The following NUP58 variants were observed in gnomAD, a reference collection of about 807,000 sequenced individuals.
The protein encoded by NUP58 is nucleoporin p58/p45.
NUP58 carries 17 observed loss-of-function variants against 70.1 expected under a neutral mutation model. The ratio of observed to expected loss-of-function variants is 0.24; its 90% CI spans 0.17 to 0.36. The LOEUF (loss-of-function observed/expected upper bound fraction) is 0.36, where lower values mean the gene tolerates loss of function less well. Ranked by LOEUF, NUP58 falls within the 10% of genes least tolerant of loss-of-function variation. NUP58 has a pLI of 1.00. For synonymous variants in NUP58, 275 were observed against 257.6 expected, an observed-to-expected ratio of 1.07 and a Z score of -0.65; for missense variants, 644 against 701.5, an observed-to-expected ratio of 0.92 and a Z score of 0.93.
chr13:25,335,581 T>A, intron 13 of NUP58: 3 of 982,166 alleles, frequency 3.1e-6, no homozygotes, highest in Non-Finnish European at 3.6e-6. Context: ...TGTAAAATTT[T>A]AAATTATTTT....
Position 25,301,878 on chromosome 13 carries a change from T to G in NUP58, c.105T>G (p.Ser35=), listed in dbSNP as rs750624641. Residue 35 remains serine (S), a splice_region_variant and synonymous_variant, in exon 1 of 16, where the codon TCT becomes TCG. Transcript: ENST00000381736. ...TTTTCTCCTTCGGAACGGGAGCGTC[T>G]AGGTAACCGCACTTTCTCGCCTTCC... ...GGVFSFGTGA[S]SNPSVGLNFG... 2.7e-5 allele frequency: 43 copies of G among 1,606,692 alleles called. No individual in the cohort carries two copies. The highest frequency in any genetic ancestry group is 3.7e-5 in the Non-Finnish European group (43 of 1,174,722).
At chr13:25,318,283 A>C (rs2031029106) in intron 6 of NUP58, among the ~76,000 whole-genome samples, 1 of 151,810 alleles carries the variant, frequency 6.6e-6, no homozygotes, top group Non-Finnish European at 1.5e-5. Flanking sequence ...AGCTGAGATC[A>C]CGCCACTGCA....
intron 1 of NUP58, among the ~76,000 whole-genome samples, chr13:25,304,068 G>A (rs960717452): frequency 3.9e-5 from 6 of 152,068 alleles, no homozygotes; most frequent in Non-Finnish European, 8.8e-5. Context: ...ATCTGGAAAA[G>A]GAGTATAATA....
chr13:25,312,340 A>G (rs2030709332), intron 3 of NUP58, among the ~76,000 whole-genome samples: 1 of 152,060 alleles, frequency 6.6e-6, no homozygotes, highest in Non-Finnish European at 1.5e-5. Flanking sequence ...ATAAAAATTG[A>G]TATGTTACAT....
At chr13:25,324,166 A>G (rs2031299940) in intron 9 of NUP58, among the ~76,000 whole-genome samples, 3 of 152,120 alleles carry the variant, frequency 2.0e-5, no homozygotes, top group African/African-American at 4.8e-5. Context: ...GTGGGGTGGG[A>G]TGGAAGCCTG....
intron 3 of NUP58, among the ~76,000 whole-genome samples, chr13:25,349,259 T>G (rs544984132): frequency 1.3e-5 from 2 of 152,318 alleles, no homozygotes; most frequent in East Asian, 3.9e-4. Flanking sequence ...AATTAAATAA[T>G]GCAGTGGGAA....
intron 9 of NUP58, among the ~76,000 whole-genome samples, chr13:25,323,123 C>A (rs956606703): frequency 4.0e-5 from 6 of 151,858 alleles, no homozygotes; most frequent in Non-Finnish European, 7.4e-5. Flanking sequence ...TCCAAAGGTA[C>A]TAAAAGTCTA....
intron 3 of NUP58, among the ~76,000 whole-genome samples, chr13:25,310,206 ATTTTTTT>A (rs796547133): frequency 6.3e-5 from 3 of 47,484 alleles, no homozygotes; most frequent in African/African-American, 1.3e-4. Context: ...CCCTTGGCTA[ATTTTTTT>A]TTTTTTTTTT....
At chr13:25,343,805 G>GTATATATATATATATA (rs59054918), downstream of NUP58, among the ~76,000 whole-genome samples, 85 of 137,644 alleles carry the variant, frequency 6.2e-4, no homozygotes, top group East Asian at 0.012. Flanking sequence ...ACATATATAT[G>GTATATATATATATATA]TATATATATA....
At chr13:25,312,833 G>A (rs1338964895) in intron 3 of NUP58, 50 bp from the exon 4 acceptor site, 1 of 1,533,986 alleles carries the variant, frequency 6.5e-7, no homozygotes, top group South Asian at 1.2e-5. Context: ...ACACTTACAG[G>A]TAAAGTAGGA....
intron 13 of NUP58, 193 bp downstream of exon 13, chr13:25,331,751 A>T (rs1008905586): frequency 7.1e-7 from 1 of 1,414,262 alleles, no homozygotes; most frequent in Non-Finnish European, 9.2e-7. Flanking sequence ...AGCAATAATT[A>T]TACATCAATT....
rs1342264112 is a variant in NUP58, at chr13:25,340,321, A to T, written c.*187A>T. On this transcript the variant is annotated 3_prime_UTR_variant, in exon 16 of 16. Transcript: ENST00000381736. ...ACATCTTTTTTCTTGTGGAATTTAA[A>T]GTCCAGCTGTGTTTTCTTTTTAATT... The T allele has an allele frequency of 3.9e-6, 2 of 512,644 alleles. No homozygotes were observed. The highest frequency in any genetic ancestry group is 6.5e-6 in the Non-Finnish European group (2 of 309,212). 31.8% of individuals were successfully genotyped at this position (512,644 alleles called of 1,614,324 possible).
intron 3 of NUP58, among the ~76,000 whole-genome samples, chr13:25,347,491 C>T (rs1319433563): frequency 2.0e-5 from 3 of 152,282 alleles, no homozygotes; most frequent in East Asian, 3.9e-4. Context: ...TGCTGGGCCT[C>T]GGCTTGCCTC....
chr13:25,331,940 T>C (rs1255929752), intron 13 of NUP58: 13 of 1,066,616 alleles, frequency 1.2e-5, no homozygotes, highest in South Asian at 3.0e-5. Flanking sequence ...GAATTTTTCA[T>C]ATATGATACT....
Position 25,327,416 on chromosome 13 carries a change from ATTTTCT to A in NUP58, c.1151-10_1151-5del, listed in dbSNP as rs1566067204. 1 of 1,553,602 alleles carries A rather than the reference ATTTTCT, an allele frequency of 6.4e-7. No homozygotes were observed. On this transcript the variant is annotated splice_region_variant and splice_polypyrimidine_tract_variant and intron_variant, in intron 11 of 15. Coordinates refer to ENST00000381736, the MANE Select transcript of NUP58 (RefSeq NM_014089.4). ...ATGTATATATTTGGGTGATAATGTAATTTTCTTTTATAGATTTGTCAATGGCTATGC... is the reference window on the plus strand; with the variant it reads ...ATGTATATATTTGGGTGATAATGTAATTTATAGATTTGTCAATGGCTATGC...
Position 25,315,342 on chromosome 13 carries a change from A to G in NUP58, c.575-15A>G, listed in dbSNP as rs763842585. ...AGTCTTTTGATGGAATTTATAAGTT[A>G]TGTTTTATTTATAGGACTTGGACAG... is the stretch of plus-strand genomic sequence containing the variant. On this transcript the variant is annotated splice_polypyrimidine_tract_variant and intron_variant, in intron 5 of 15. Transcript: ENST00000381736. 1 of 1,570,912 alleles carries G rather than the reference A, an allele frequency of 6.4e-7. No homozygotes were observed. The highest frequency in any genetic ancestry group is 2.2e-5 in the East Asian group (1 of 44,600).
chr13:25,339,891 C>G, intron 15 of NUP58, 74 bp from the exon 16 acceptor site: 1 of 1,260,300 alleles, frequency 7.9e-7, no homozygotes, highest in South Asian at 1.5e-5. Flanking sequence ...TAGAAATTTA[C>G]TGCTCCTCCC....
At position 25,301,675 on chromosome 13, in the gene NUP58, C is replaced by A; in HGVS notation, c.-99C>A. 1.7e-6 allele frequency: 1 copy of A among 598,334 alleles called. No individual in the cohort carries two copies. The highest frequency in any genetic ancestry group is 3.5e-5 in the East Asian group (1 of 28,950). 37.1% of individuals were successfully genotyped at this position (598,334 alleles called of 1,614,324 possible). ...CTGGAAGTTCCCGCCAGGTCCGTGCCGGGCGAGAGAGATGCTGCCCGGCCC... is the reference window on the plus strand; with the variant it reads ...CTGGAAGTTCCCGCCAGGTCCGTGCAGGGCGAGAGAGATGCTGCCCGGCCC... On this transcript the variant is annotated 5_prime_UTR_variant, in exon 1 of 16. Transcript: ENST00000381736.
rs1419442996 is a variant in NUP58, at chr13:25,312,976, C to A, written c.380C>A (p.Thr127Asn). 3 of 1,614,204 alleles carry A rather than the reference C, an allele frequency of 1.9e-6. No homozygotes were observed. Among genetic ancestry groups the A allele is most frequent in the Non-Finnish European group, 2.5e-6 (3 of 1,180,026 alleles). ...ASATPFALPI[T>N]STSASGLTLS... ...GCCACACCATTTGCTCTACCTATTACCTCTACCTCAGCTAGCGGTCTGACT... is the reference window on the plus strand; with the variant it reads ...GCCACACCATTTGCTCTACCTATTAACTCTACCTCAGCTAGCGGTCTGACT... The change falls in exon 4 of 16, where the codon ACC becomes AAC. Residue 127 changes from threonine (T) to asparagine (N), a missense_variant. Thr to Asn is a moderately conservative substitution (Grantham distance 65). This residue lies in a region of NUP58 where 430 missense variants were observed against 409.2 expected (regional missense o/e 1.05). Transcript: ENST00000381736.
Sources: gnomAD v4.1 joint callset for allele counts (sites outside exome capture counted in the v4.1 genomes callset) on GRCh38, gnomAD v4.1.1 for gene constraint, gnomAD v4.1.1 regional missense constraint, MANE v1.5 for transcripts, NCBI Gene and HGNC (gene_info 2026-07-23, HGNC 2026-07-21) for gene names.